CSMD1: variants seen among roughly 807,000 people sequenced by gnomAD.
The protein encoded by CSMD1 is CUB and sushi domain-containing protein 1.
In CSMD1, 213 loss-of-function variants were observed where a neutral mutation model predicts 417.5. That is an observed-to-expected ratio of 0.51 (90% CI 0.46 to 0.57). The LOEUF (loss-of-function observed/expected upper bound fraction) is 0.57. Among genes scored for constraint, CSMD1 ranks in the 20% least tolerant of loss-of-function variants. The probability of loss-of-function intolerance (pLI) is 0.00; values close to 1 mark genes in which losing one functional copy is unlikely to be tolerated. For missense variants in CSMD1, 6,923 were observed against 4,529.7 expected (o/e 1.53, Z -15.17); for synonymous variants, 2,862 against 1,736.8 (o/e 1.65, Z -16.11).
At chr8:3,827,411 G>A (rs1363413671) in intron 5 of CSMD1, among the ~76,000 whole-genome samples, 1 of 152,170 alleles carries the variant, frequency 6.6e-6, no homozygotes, top group Non-Finnish European at 1.5e-5. Context: ...TACCTATATA[G>A]TTGGAAAAAT....
chr8:4,441,816 A>G (rs1798500140), intron 2 of CSMD1, among the ~76,000 whole-genome samples: 1 of 152,172 alleles, frequency 6.6e-6, no homozygotes, highest in Non-Finnish European at 1.5e-5. Flanking sequence ...GGTTCAATCA[A>G]ACACTGAAGT....
chr8:3,498,517 C>G (rs1027161600), intron 10 of CSMD1, among the ~76,000 whole-genome samples: 2 of 152,148 alleles, frequency 1.3e-5, no homozygotes, highest in African/African-American at 4.8e-5. Context: ...GATCTTTGAG[C>G]TTCCTGGATC....
intron 30 of CSMD1, among the ~76,000 whole-genome samples, chr8:3,211,231 G>C (rs1263822966): frequency 6.6e-6 from 1 of 152,104 alleles, no homozygotes; most frequent in Non-Finnish European, 1.5e-5. Flanking sequence ...TTTTTGTAGA[G>C]GTGGGGTCTT....
At chr8:4,586,297 T>C (rs565967435) in intron 2 of CSMD1, among the ~76,000 whole-genome samples, 4 of 152,324 alleles carry the variant, frequency 2.6e-5, no homozygotes, top group South Asian at 2.1e-4. Flanking sequence ...CCATTCCCAA[T>C]TTTTCCCCAG....
At chr8:4,749,788 G>A (rs1811185004) in intron 1 of CSMD1, among the ~76,000 whole-genome samples, 2 of 151,864 alleles carry the variant, frequency 1.3e-5, no homozygotes, top group Non-Finnish European at 1.5e-5. Flanking sequence ...GTAAGTCTGG[G>A]CCTGTATGAC....
intron 37 of CSMD1, among the ~76,000 whole-genome samples, 174 bp from the exon 38 acceptor site, chr8:3,162,451 G>C (rs1465581025): frequency 1.3e-5 from 2 of 152,102 alleles, no homozygotes; most frequent in Non-Finnish European, 1.5e-5. Flanking sequence ...TCAGAGCTAT[G>C]AGTTAATTGT....
intron 12 of CSMD1, among the ~76,000 whole-genome samples, chr8:3,453,698 C>G (rs1329327782): frequency 6.6e-6 from 1 of 152,092 alleles, no homozygotes; most frequent in African/African-American, 2.4e-5. Context: ...AATTTCTGTA[C>G]TTTTACATTT....
At chr8:3,669,153 G>A (rs143912389) in intron 7 of CSMD1, among the ~76,000 whole-genome samples, 1 of 152,144 alleles carries the variant, frequency 6.6e-6, no homozygotes, top group Non-Finnish European at 1.5e-5. Flanking sequence ...GTTAAAACAA[G>A]GAAAGCACGT....
chr8:3,247,048 T>C (rs192827580), intron 26 of CSMD1, among the ~76,000 whole-genome samples: 15 of 152,298 alleles, frequency 9.8e-5, no homozygotes, highest in Admixed American at 8.5e-4. Context: ...TTGGTGTAAG[T>C]GAAGATCTAA....
intron 3 of CSMD1, among the ~76,000 whole-genome samples, chr8:4,368,546 G>C (rs941699645): frequency 4.6e-5 from 7 of 152,134 alleles, no homozygotes; most frequent in South Asian, 4.1e-4. Flanking sequence ...TAGTAAGATA[G>C]GTACTAGCTC....
chr8:4,512,029 C>T (rs189601305), intron 2 of CSMD1, among the ~76,000 whole-genome samples: 1 of 152,064 alleles, frequency 6.6e-6, no homozygotes, highest in Non-Finnish European at 1.5e-5. Flanking sequence ...GACATGGTTG[C>T]AAAAATCCTC....
chr8:4,706,397 G>T (rs1377569255), intron 1 of CSMD1, among the ~76,000 whole-genome samples: 1 of 152,228 alleles, frequency 6.6e-6, no homozygotes, highest in Admixed American at 6.5e-5. Flanking sequence ...CAGACAAAAA[G>T]TGTATAATGA....
At chr8:3,721,833 G>C (rs939964664) in intron 6 of CSMD1, among the ~76,000 whole-genome samples, 2 of 152,062 alleles carry the variant, frequency 1.3e-5, no homozygotes, top group African/African-American at 2.4e-5. Flanking sequence ...TAATTACAGG[G>C]AGTTTTCTGA....
intron 3 of CSMD1, among the ~76,000 whole-genome samples, chr8:4,329,488 A>C (rs1331729996): frequency 2.0e-5 from 3 of 152,036 alleles, no homozygotes; most frequent in African/African-American, 7.2e-5. Context: ...GCATTTCACC[A>C]CGTTGGCCAG....
intron 12 of CSMD1, among the ~76,000 whole-genome samples, chr8:3,430,977 G>A (rs188685213): frequency 1.5e-3 from 226 of 152,234 alleles, no homozygotes; most frequent in African/African-American, 4.6e-3. Context: ...TTTTCTCACT[G>A]CATTGTCTGA....
At chr8:3,810,137 G>A (rs1458705058) in intron 5 of CSMD1, among the ~76,000 whole-genome samples, 4 of 152,060 alleles carry the variant, frequency 2.6e-5, no homozygotes, top group African/African-American at 7.2e-5. Context: ...GTGCTCCCAG[G>A]CCCCAACTGA....
intron 7 of CSMD1, among the ~76,000 whole-genome samples, chr8:3,650,641 G>C (rs558046300): frequency 3.3e-5 from 5 of 152,150 alleles, no homozygotes; most frequent in African/African-American, 1.2e-4. Context: ...GGATATTTAA[G>C]AGAACACTAC....
At chr8:4,090,209 TAAA>T (rs1197394708) in intron 3 of CSMD1, among the ~76,000 whole-genome samples, 1 of 152,224 alleles carries the variant, frequency 6.6e-6, no homozygotes, top group African/African-American at 2.4e-5. Flanking sequence ...ATGATTGTCT[TAAA>T]AAGTATTTTT....
intron 40 of CSMD1, among the ~76,000 whole-genome samples, chr8:3,144,706 G>A (rs969499912): frequency 6.6e-6 from 1 of 151,150 alleles, no homozygotes; most frequent in African/African-American, 2.4e-5. Flanking sequence ...GTGAGCTATT[G>A]TTTCTAAATT....
Sources: allele counts gnomAD v4.1 joint callset (sites outside exome capture counted in the v4.1 genomes callset), GRCh38; gene constraint gnomAD v4.1.1; transcripts MANE v1.5; gene names NCBI Gene and HGNC (gene_info 2026-07-23, HGNC 2026-07-21).